The following CDH9 variants were observed in gnomAD, a reference collection of about 807,000 sequenced individuals.
CDH9 encodes the protein cadherin 9.
Under a neutral mutation model 70.9 loss-of-function variants are expected in CDH9, and 28 were observed. The ratio of observed to expected loss-of-function variants is 0.40; its 90% CI spans 0.29 to 0.54. The LOEUF (loss-of-function observed/expected upper bound fraction) is 0.54. CDH9 is among the 20% of genes least tolerant of loss of function. CDH9 has a pLI of 0.59. For synonymous variants in CDH9, 409 were observed against 343.1 expected (o/e 1.19, Z -2.12); for missense variants, 874 against 984.4 (o/e 0.89, Z 1.50).
In CDH9 at chr5:26,921,608, A is replaced by G. The variant is rs546193246; in HGVS notation, c.229-5684T>C. On this transcript the variant is annotated intron_variant, in intron 2 of 11. Coordinates refer to ENST00000231021, the MANE Select transcript of CDH9 (RefSeq NM_016279.4). Reference sequence around the variant, plus strand: ...ATCTGGCATCAATAAAAACCAATGCAGAACTCTCGGGGCTGTTGCTGATTC... The same window carrying G: ...ATCTGGCATCAATAAAAACCAATGCGGAACTCTCGGGGCTGTTGCTGATTC... Among the ~76,000 whole-genome samples the G allele has an allele frequency of 6.6e-5, 10 of 152,320 alleles. No homozygotes were observed. The South Asian group carries it at 2.1e-3, about 32-fold the overall frequency.
chr5:26,963,050 A>G (rs1415083389), intron 2 of CDH9, among the ~76,000 whole-genome samples: 1 of 152,216 alleles, frequency 6.6e-6, no homozygotes. Context: ...TTAAAAAATA[A>G]CCCATGTTAG....
At chr5:26,886,481 C>G (rs983658478) in intron 9 of CDH9, among the ~76,000 whole-genome samples, 4 of 151,970 alleles carry the variant, frequency 2.6e-5, no homozygotes, top group African/African-American at 9.7e-5. Context: ...AGGACGAGTA[C>G]ACAGAAGATG....
intron 1 of CDH9, among the ~76,000 whole-genome samples, chr5:26,993,235 A>G (rs1742611048): frequency 6.6e-6 from 1 of 152,190 alleles, no homozygotes; most frequent in African/African-American, 2.4e-5. Context: ...AGAAAAGGGT[A>G]TCCTTGTTAT....
chr5:26,930,303 A>G (rs1741420130), intron 2 of CDH9, among the ~76,000 whole-genome samples: 1 of 152,070 alleles, frequency 6.6e-6, no homozygotes, highest in Non-Finnish European at 1.5e-5. Flanking sequence ...TTGATAGCCA[A>G]TAAAAACTGC....
chr5:26,917,997 A>C (rs1165990349), intron 2 of CDH9, among the ~76,000 whole-genome samples: 1 of 152,180 alleles, frequency 6.6e-6, no homozygotes, highest in Non-Finnish European at 1.5e-5. Flanking sequence ...TATTGAAAAA[A>C]TATAACTTTT....
intron 2 of CDH9, among the ~76,000 whole-genome samples, chr5:26,953,252 A>C (rs553291492): frequency 6.6e-6 from 1 of 152,350 alleles, no homozygotes; most frequent in African/African-American, 2.4e-5. Flanking sequence ...ATTATTATTT[A>C]GTGGATTGAA....
intron 1 of CDH9, among the ~76,000 whole-genome samples, chr5:27,020,237 T>C (rs1579516911): frequency 1.3e-5 from 2 of 151,842 alleles, no homozygotes; most frequent in East Asian, 3.9e-4. Flanking sequence ...TTTAAAATGG[T>C]TGTTTGTTTC....
chr5:26,906,242 T>C (rs1406149923), intron 4 of CDH9, 116 bp from the exon 5 acceptor site: 3 of 777,000 alleles, frequency 3.9e-6, no homozygotes, highest in Admixed American at 2.6e-5. Context: ...TCAGTGTATT[T>C]AAATATGTCC....
At chr5:26,919,765 C>T (rs1018269724) in intron 2 of CDH9, among the ~76,000 whole-genome samples, 2 of 152,042 alleles carry the variant, frequency 1.3e-5, no homozygotes, top group African/African-American at 4.8e-5. Flanking sequence ...TCCTGAGGCC[C>T]CCATTTCCAG....
At chr5:26,938,329 C>A (rs1741597142) in intron 2 of CDH9, among the ~76,000 whole-genome samples, 2 of 151,292 alleles carry the variant, frequency 1.3e-5, no homozygotes, top group Admixed American at 1.3e-4. Context: ...GCAGAATGAA[C>A]CAATACAAAA....
intron 3 of CDH9, among the ~76,000 whole-genome samples, chr5:26,910,476 A>C (rs1741032582): frequency 6.6e-6 from 1 of 152,200 alleles, no homozygotes; most frequent in Non-Finnish European, 1.5e-5. Context: ...GTTGTATAAC[A>C]TGTAAAAGCT....
intron 2 of CDH9, among the ~76,000 whole-genome samples, chr5:26,930,547 C>T (rs1000024331): frequency 1.3e-5 from 2 of 151,948 alleles, no homozygotes; most frequent in African/African-American, 4.8e-5. Flanking sequence ...CAATTCAAAC[C>T]CATGTTGTTC....
chr5:27,004,087 T>C (rs1742817066), intron 1 of CDH9, among the ~76,000 whole-genome samples: 1 of 147,394 alleles, frequency 6.8e-6, no homozygotes, highest in Non-Finnish European at 1.5e-5. Context: ...ACTTTTGATA[T>C]TGTGGTCAAA....
intron 2 of CDH9, among the ~76,000 whole-genome samples, chr5:26,930,021 AT>A (rs11313844): frequency 0.017 from 2,570 of 152,214 alleles, 74 homozygotes; most frequent in African/African-American, 0.059. Context: ...CAGAGAAAGC[AT>A]AAAAGCTTAA....
chr5:26,881,000 C>A lies in CDH9; in HGVS notation c.*136G>T. On this transcript the variant is annotated 3_prime_UTR_variant, in exon 12 of 12. Transcript: ENST00000231021. ...ACAAAGACTTACTGATTAAGCAAATCCCTACTTGACAACATCTACGTATTG... is the reference window on the plus strand; with the variant it reads ...ACAAAGACTTACTGATTAAGCAAATACCTACTTGACAACATCTACGTATTG... The A allele has an allele frequency of 1.4e-6, 1 of 718,472 alleles. No individual in the cohort carries two copies. The allele number at this position is 718,472 out of a possible 1,614,324, so 44.5% of individuals were successfully genotyped here. A position where few individuals can be genotyped will look rare whatever the true frequency, so the allele number is the denominator to read the frequency against.
rs140300386 is a variant in CDH9, at chr5:26,896,506, G to C, written c.1254-5942C>G. Among the ~76,000 whole-genome samples the C allele has an allele frequency of 4.0e-3, 598 of 147,880 alleles. 7 individuals are homozygous for C. The highest frequency in any genetic ancestry group is 0.014 in the African/African-American group (568 of 40,628). The stretch of plus-strand genomic sequence containing the variant: ...ATGAAATGAATTTCATTTCATTATA[G>C]AATAGAATGAAATGAAAATTTCATT... On this transcript the variant is annotated intron_variant, in intron 7 of 11. Transcript: ENST00000231021.
rs1190479665 is a variant in CDH9 at position 26,906,063 on chromosome 5, A to G, written c.707T>C (p.Ile236Thr). Residue 236 changes from isoleucine (I) to threonine (T), a missense_variant, in exon 5 of 12, where the codon ATA (isoleucine) becomes ACA (threonine). Physicochemically the swap from Ile to Thr is moderately conservative, Grantham distance 89. Transcript: ENST00000231021. ...CTGGCCACCCATGTCTTTGGCCTGT[A>G]TAACAACCTGGTACTGCTCTCTATT... ...RENREQYQVV[I>T]QAKDMGGQMG... 5 of 1,613,614 alleles carry G rather than the reference A, an allele frequency of 3.1e-6. No homozygotes were observed. Among genetic ancestry groups the G allele is most frequent in the Admixed American group, 1.7e-5 (1 of 59,990 alleles).
At position 26,977,574 on chromosome 5, in the gene CDH9, G is replaced by A. The variant is rs1177772983; in HGVS notation, c.228+10532C>T. Among the ~76,000 whole-genome samples, 16 of 150,862 alleles carry A rather than the reference G, an allele frequency of 1.1e-4. 1 individual carries two copies. The highest frequency in any genetic ancestry group is 1.1e-3 in the Admixed American group (16 of 15,132). On this transcript the variant is annotated intron_variant, in intron 2 of 11. Transcript: ENST00000231021. The stretch of plus-strand genomic sequence containing the variant: ...ATTACAAGCAAATAGAGGATAAAAA[G>A]AATTCTACATTAATTTCTTTGAGGG...
At chr5:26,930,413 T>C (rs1741422226) in intron 2 of CDH9, among the ~76,000 whole-genome samples, 1 of 152,142 alleles carries the variant, frequency 6.6e-6, no homozygotes, top group Admixed American at 6.6e-5. Flanking sequence ...GTCATGCAGT[T>C]GGCCCTGTGG....
Sources: gnomAD v4.1 joint callset for allele counts (sites outside exome capture counted in the v4.1 genomes callset) on GRCh38, gnomAD v4.1.1 for gene constraint, MANE v1.5 for transcripts, NCBI Gene and HGNC (gene_info 2026-07-23, HGNC 2026-07-21) for gene names.